KIAA1217: variants seen among roughly 807,000 people sequenced by gnomAD.
The protein encoded by KIAA1217 is sickle tail protein homolog.
KIAA1217 carries 88 observed loss-of-function variants against 163.9 expected under a neutral mutation model. The ratio of observed to expected loss-of-function variants is 0.54; its 90% CI spans 0.45 to 0.64. The LOEUF (loss-of-function observed/expected upper bound fraction) is 0.64. Ranked by LOEUF, KIAA1217 falls within the 30% of genes least tolerant of loss-of-function variation. KIAA1217 has a pLI of 0.00. For missense variants in KIAA1217, 2,372 were observed against 2,475.0 expected, an observed-to-expected ratio of 0.96 and a Z score of 0.88; for synonymous variants, 903 against 923.1, an observed-to-expected ratio of 0.98 and a Z score of 0.39.
In KIAA1217 at chr10:24,143,748, CT is replaced by C. The variant is rs369916936; in HGVS notation, c.-170-75876del. 3.0e-3 allele frequency among the ~76,000 whole-genome samples: 461 copies of C among 151,702 alleles called. 1 individual carries two copies. The highest frequency in any genetic ancestry group is 0.011 in the African/African-American group (436 of 41,306). Reference sequence around the variant, plus strand: ...CTGGTCACCACTGAGACAGGGCAGCCTTATTGACATATCTGGCCTCCCCCTA... The same window carrying C: ...CTGGTCACCACTGAGACAGGGCAGCCTATTGACATATCTGGCCTCCCCCTA... On this transcript the variant is annotated intron_variant, in intron 2 of 18. Coordinates refer to the KIAA1217 transcript ENST00000376462.
chr10:24,360,915 G>T (rs2049898695), intron 2 of KIAA1217, among the ~76,000 whole-genome samples: 1 of 150,354 alleles, frequency 6.7e-6, no homozygotes, highest in Admixed American at 6.6e-5. Context: ...TTTTTTGGAG[G>T]TAGAAACAAA....
intron 3 of KIAA1217, among the ~76,000 whole-genome samples, chr10:24,405,022 G>A (rs947183657): frequency 6.6e-6 from 1 of 152,114 alleles, no homozygotes; most frequent in Non-Finnish European, 1.5e-5. Flanking sequence ...AGCACTTGGG[G>A]GCCTAGTTAT....
At chr10:24,530,949 C>T (rs2073025179) in intron 14 of KIAA1217, among the ~76,000 whole-genome samples, 1 of 151,876 alleles carries the variant, frequency 6.6e-6, no homozygotes, top group Non-Finnish European at 1.5e-5. Context: ...AATCCCAGCA[C>T]TTTGGGAGGC....
At chr10:23,861,817 C>T (rs1231277936) in intron 1 of KIAA1217, among the ~76,000 whole-genome samples, 1 of 152,142 alleles carries the variant, frequency 6.6e-6, no homozygotes, top group African/African-American at 2.4e-5. Flanking sequence ...ATTCTTCCCC[C>T]AGAGCCTCCA....
At chr10:23,968,115 T>C (rs1845148614) in intron 1 of KIAA1217, among the ~76,000 whole-genome samples, 1 of 151,658 alleles carries the variant, frequency 6.6e-6, no homozygotes, top group South Asian at 2.1e-4. Context: ...CACAAAGTGA[T>C]AATCCCAACA....
chr10:24,369,719 T>C (rs1439599487), intron 2 of KIAA1217, among the ~76,000 whole-genome samples: 1 of 152,188 alleles, frequency 6.6e-6, no homozygotes, highest in Non-Finnish European at 1.5e-5. Context: ...AGCAGGTTTC[T>C]TTCCTTTTAT....
intron 16 of KIAA1217, among the ~76,000 whole-genome samples, chr10:24,533,548 A>T (rs142597030): frequency 6.6e-6 from 1 of 152,346 alleles, no homozygotes; most frequent in African/African-American, 2.4e-5. Context: ...AAGTAAGATA[A>T]GGATTAGAAA....
chr10:23,733,021 G>GTTT (rs35590383), intron 1 of KIAA1217, among the ~76,000 whole-genome samples: 1 of 147,828 alleles, frequency 6.8e-6, no homozygotes, highest in Non-Finnish European at 1.5e-5. Flanking sequence ...GTATGTTTTT[G>GTTT]TTTTTTTTTT....
chr10:24,049,330 T>G (rs751322672), intron 2 of KIAA1217, among the ~76,000 whole-genome samples: 12 of 152,164 alleles, frequency 7.9e-5, no homozygotes, highest in Non-Finnish European at 1.8e-4. Flanking sequence ...AAAAGAGAAT[T>G]AACAGTCTCC....
chr10:23,783,558 T>C (rs1440433730), intron 1 of KIAA1217, among the ~76,000 whole-genome samples: 1 of 152,204 alleles, frequency 6.6e-6, no homozygotes, highest in African/African-American at 2.4e-5. Context: ...AGTTTTGTTA[T>C]CAGACAATGC....
chr10:24,202,317 G>T (rs1564822389), intron 2 of KIAA1217, among the ~76,000 whole-genome samples: 1 of 152,182 alleles, frequency 6.6e-6, no homozygotes. Context: ...CACTTGTTTC[G>T]CTGGCCCTGG....
chr10:23,961,329 T>C (rs1178825459), intron 1 of KIAA1217, among the ~76,000 whole-genome samples: 1 of 152,200 alleles, frequency 6.6e-6, no homozygotes, highest in Non-Finnish European at 1.5e-5. Flanking sequence ...AAATAATATT[T>C]GAAATGGCAC....
intron 1 of KIAA1217, among the ~76,000 whole-genome samples, chr10:23,736,916 T>C (rs534190684): frequency 6.6e-6 from 1 of 152,292 alleles, no homozygotes; most frequent in South Asian, 2.1e-4. Flanking sequence ...TGTTCTTCCA[T>C]ATATATTTCG....
chr10:24,308,758 C>T lies in KIAA1217; in HGVS notation c.355-72111C>T, dbSNP rs2042284990. Among the ~76,000 whole-genome samples the T allele has an allele frequency of 2.0e-5, 3 of 152,072 alleles. No individual in the cohort carries two copies. In the South Asian group the frequency reaches 6.2e-4, roughly 32 times the overall value. ...ACAAGTGTCAGCTGATGTCCATGAC[C>T]CCTTCGTTTCCTGTGTCCCTTCTAC... is the stretch of plus-strand genomic sequence containing the variant. On this transcript the variant is annotated intron_variant, in intron 2 of 20. Coordinates refer to ENST00000376454, the MANE Select transcript of KIAA1217 (RefSeq NM_019590.5).
At chr10:23,791,414 C>A (rs1835946156) in intron 1 of KIAA1217, among the ~76,000 whole-genome samples, 1 of 152,072 alleles carries the variant, frequency 6.6e-6, no homozygotes, top group South Asian at 2.1e-4. Context: ...AAAAAGAAAG[C>A]CAGACATTAC....
At chr10:24,544,914 C>A (rs1409256318) in intron 19 of KIAA1217, 67 bp from the exon 20 acceptor site, 7 of 1,546,780 alleles carry the variant, frequency 4.5e-6, no homozygotes, top group Non-Finnish European at 6.2e-6. Flanking sequence ...CATCGTGGGG[C>A]AGCCTCACAG....
intron 1 of KIAA1217, among the ~76,000 whole-genome samples, chr10:23,976,055 C>G (rs1054767162): frequency 7.2e-5 from 11 of 152,252 alleles, no homozygotes; most frequent in African/African-American, 2.4e-4. Context: ...ACTCCCAGCT[C>G]AATGTCAAAA....
Position 24,546,061 on chromosome 10 carries a change from G to C in KIAA1217, c.5569G>C (p.Val1857Leu). ...PAHSASLIPS[V>L]SNGSLKFQSL... ...TCACTCTGCCTCCCTCATCCCTTCT[G>C]TCTCTAATGGCTCTTTGAAGTTTCA... The change falls in exon 21 of 21, where the codon GTC becomes CTC. Residue 1857 changes from valine (V) to leucine (L), a missense_variant. Physicochemically the swap from Val to Leu is conservative, Grantham distance 32 (BLOSUM62 1). This residue lies in a region of KIAA1217 where 690 missense variants were observed against 677.5 expected (regional missense o/e 1.02). Coordinates refer to ENST00000376454, the MANE Select transcript of KIAA1217 (RefSeq NM_019590.5). The C allele has an allele frequency of 6.2e-7, 1 of 1,614,152 alleles. No individual in the cohort carries two copies. Among genetic ancestry groups the C allele is most frequent in the Non-Finnish European group, 8.5e-7 (1 of 1,180,028 alleles).
At chr10:24,312,235 C>T (rs2133058864) in intron 2 of KIAA1217, among the ~76,000 whole-genome samples, 1 of 151,376 alleles carries the variant, frequency 6.6e-6, no homozygotes, top group South Asian at 2.1e-4. Context: ...AACAGATATA[C>T]ACAGACATGG....
Sources: gnomAD v4.1 joint callset for allele counts (sites outside exome capture counted in the v4.1 genomes callset) on GRCh38, gnomAD v4.1.1 for gene constraint, gnomAD v4.1.1 regional missense constraint, MANE v1.5 for transcripts, NCBI Gene and HGNC (gene_info 2026-07-23, HGNC 2026-07-21) for gene names.